CTNNA2: variants seen among roughly 807,000 people sequenced by gnomAD.
The protein encoded by CTNNA2 is catenin alpha 2, also known as catenin alpha-2.
CTNNA2 carries 42 observed loss-of-function variants against 101.0 expected under a neutral mutation model. The observed-to-expected ratio is 0.42, with a 90% confidence interval of 0.32 to 0.54. The LOEUF is 0.54. CTNNA2 is among the 20% of genes least tolerant of loss of function. CTNNA2 has a pLI of 0.14. For synonymous variants in CTNNA2, 450 were observed against 456.4 expected (o/e 0.99, Z 0.18); for missense variants, 871 against 1,223.1 (o/e 0.71, Z 4.29).
At chr2:80,625,014 C>T (rs1671538732) in intron 18 of CTNNA2, among the ~76,000 whole-genome samples, 1 of 151,866 alleles carries the variant, frequency 6.6e-6, no homozygotes, top group Admixed American at 6.6e-5. Context: ...TTATTTACCT[C>T]AAGGCCTATT....
chr2:79,409,717 T>C (rs1252042963), intron 4 of CTNNA2, among the ~76,000 whole-genome samples: 1 of 149,638 alleles, frequency 6.7e-6, no homozygotes, highest in Non-Finnish European at 1.5e-5. Flanking sequence ...GTAGTATAGT[T>C]TGAAGTCAGG....
At chr2:80,376,519 T>C (rs1675969788) in intron 7 of CTNNA2, among the ~76,000 whole-genome samples, 2 of 152,012 alleles carry the variant, frequency 1.3e-5, no homozygotes, top group Non-Finnish European at 2.9e-5. Context: ...CTTCTTAGTT[T>C]TATTAGTGTT....
intron 18 of CTNNA2, among the ~76,000 whole-genome samples, chr2:80,633,913 A>G (rs1672564718): frequency 6.6e-6 from 1 of 152,192 alleles, no homozygotes; most frequent in African/African-American, 2.4e-5. Flanking sequence ...AAGAAGACAT[A>G]GATACGTATT....
intron 6 of CTNNA2, among the ~76,000 whole-genome samples, chr2:79,906,738 G>T (rs1420655715): frequency 6.6e-6 from 1 of 152,100 alleles, no homozygotes; most frequent in Admixed American, 6.5e-5. Context: ...TGTTCCTTGG[G>T]TTCTCATAGA....
intron 2 of CTNNA2, among the ~76,000 whole-genome samples, chr2:79,228,730 T>G (rs1674453221): frequency 6.6e-6 from 1 of 152,140 alleles, no homozygotes; most frequent in African/African-American, 2.4e-5. Context: ...CTTTTTTTTT[T>G]GCTGGGCAGA....
intron 1 of CTNNA2, among the ~76,000 whole-genome samples, chr2:79,568,989 A>C (rs1675297952): frequency 6.6e-6 from 1 of 152,018 alleles, no homozygotes; most frequent in South Asian, 2.1e-4. Flanking sequence ...AGGTGAGATC[A>C]TACCCCTGCA....
intron 3 of CTNNA2, among the ~76,000 whole-genome samples, chr2:79,756,310 A>G (rs1672394718): frequency 6.6e-6 from 1 of 152,298 alleles, no homozygotes; most frequent in African/African-American, 2.4e-5. Context: ...TATTATCCAT[A>G]CTTGTATAAT....
At chr2:79,193,305 T>C (rs1673899046) in intron 1 of CTNNA2, among the ~76,000 whole-genome samples, 1 of 152,208 alleles carries the variant, frequency 6.6e-6, no homozygotes, top group Non-Finnish European at 1.5e-5. Flanking sequence ...ACAGACCACC[T>C]ATGTGACTGT....
chr2:79,523,338 A>AT (rs896512124), intron 1 of CTNNA2: 3 of 374,650 alleles, frequency 8.0e-6, no homozygotes, highest in Admixed American at 3.7e-5. Flanking sequence ...ATACATATAT[A>AT]TTTTTTTCTT....
rs17854795 is a variant in CTNNA2, at chr2:80,581,744, G to A, written c.1932G>A (p.Gln644=). The change falls in exon 14 of 19, where the codon CAG becomes CAA. Residue 644 remains glutamine, a synonymous_variant. Coordinates refer to ENST00000402739, the MANE Select transcript of CTNNA2 (RefSeq NM_001282597.3). ...EELEDDSDFE[Q]EDYDVRSRTS... ...TAGAGGATGATTCTGACTTTGAGCA[G>A]GAAGATTATGATGTGCGTAGCAGGA... 1.1e-3 allele frequency: 1,846 copies of A among 1,613,210 alleles called. 23 individuals are homozygous for A. The African/African-American group carries it at 0.021, about 19-fold the overall frequency.
At chr2:80,188,705 G>T (rs549819524) in intron 7 of CTNNA2, among the ~76,000 whole-genome samples, 14 of 152,254 alleles carry the variant, frequency 9.2e-5, no homozygotes, top group African/African-American at 3.4e-4. Context: ...GTTCACAGCA[G>T]CTAGGAAAGG....
intron 7 of CTNNA2, among the ~76,000 whole-genome samples, chr2:79,951,681 GATAAGTTAAAATAAA>G (rs1688891090): frequency 8.4e-6 from 1 of 118,530 alleles, no homozygotes; most frequent in Non-Finnish European, 2.0e-5. Context: ...TAAAAAATAA[GATAAGTTAAAATAAA>G]ATAAAATAAA....
intron 4 of CTNNA2, among the ~76,000 whole-genome samples, chr2:79,479,939 AT>A (rs1224761685): frequency 6.6e-6 from 1 of 152,074 alleles, no homozygotes; most frequent in African/African-American, 2.4e-5. Flanking sequence ...AAAAGAAGGA[AT>A]AACTGAGGCT....
intron 1 of CTNNA2, among the ~76,000 whole-genome samples, chr2:79,599,425 A>T (rs1419056142): frequency 2.0e-5 from 3 of 152,162 alleles, no homozygotes; most frequent in Non-Finnish European, 2.9e-5. Flanking sequence ...AATAAATCTC[A>T]TGGATATTTT....
At chr2:80,219,206 T>C (rs1708435580) in intron 7 of CTNNA2, among the ~76,000 whole-genome samples, 2 of 152,246 alleles carry the variant, frequency 1.3e-5, no homozygotes, top group Non-Finnish European at 2.9e-5. Flanking sequence ...CATCTTTGCA[T>C]GGCCTTTGCA....
At chr2:79,390,073 C>T (rs1678155650) in intron 4 of CTNNA2, among the ~76,000 whole-genome samples, 1 of 152,170 alleles carries the variant, frequency 6.6e-6, no homozygotes, top group Non-Finnish European at 1.5e-5. Context: ...TGAGTATCTT[C>T]ATCAACTTGG....
In CTNNA2 at chr2:79,718,763, T is replaced by C. The variant is rs17017697; in HGVS notation, c.103-25624T>C. Among the ~76,000 whole-genome samples, 1,507 of 152,236 alleles carry C rather than the reference T, an allele frequency of 9.9e-3. 62 individuals are homozygous for C. The East Asian group carries it at 0.12, about 12-fold the overall frequency. On this transcript the variant is annotated intron_variant, in intron 2 of 18. Transcript: ENST00000402739. Reference sequence around the variant, plus strand: ...AAAGATTTTTATCTACAATGCCTGATGCTTTCAATAGGAGAGTTGGTAAAT... The same window carrying C: ...AAAGATTTTTATCTACAATGCCTGACGCTTTCAATAGGAGAGTTGGTAAAT...
intron 9 of CTNNA2, among the ~76,000 whole-genome samples, chr2:80,469,800 G>A (rs1190671764): frequency 6.6e-6 from 1 of 152,132 alleles, no homozygotes; most frequent in African/African-American, 2.4e-5. Context: ...TATGACATTG[G>A]TTGGTGGGGA....
intron 4 of CTNNA2, among the ~76,000 whole-genome samples, chr2:79,474,708 C>T (rs919679664): frequency 4.6e-5 from 7 of 152,138 alleles, no homozygotes; most frequent in East Asian, 1.9e-4. Context: ...CATTTCCAAA[C>T]GAAATTATTA....
Sources: gnomAD v4.1 joint callset for allele counts (sites outside exome capture counted in the v4.1 genomes callset) on GRCh38, gnomAD v4.1.1 for gene constraint, MANE v1.5 for transcripts, NCBI Gene and HGNC (gene_info 2026-07-23, HGNC 2026-07-21) for gene names.